FAM186A: variants seen among roughly 807,000 people sequenced by gnomAD.
FAM186A encodes family with sequence similarity 186 member A.
Under a neutral mutation model 216.8 loss-of-function variants are expected in FAM186A, and 163 were observed. The ratio of observed to expected loss-of-function variants is 0.75; its 90% CI spans 0.66 to 0.86. The LOEUF (loss-of-function observed/expected upper bound fraction) is 0.86. FAM186A is among the 40% of genes least tolerant of loss of function. The pLI, the probability that FAM186A is intolerant of heterozygous loss-of-function variation, is 0.00. For missense variants in FAM186A, 2,184 were observed against 2,746.2 expected (o/e 0.80, Z 4.58); for synonymous variants, 805 against 1,025.3 (o/e 0.79, Z 4.10).
rs574813989 is a variant in FAM186A at position 50,342,247 on chromosome 12, A to ACCTGGGAG, written c.6503+8081_6503+8082insCTCCCAGG. 1.8e-3 allele frequency among the ~76,000 whole-genome samples: 269 copies of ACCTGGGAG among 151,370 alleles called. 1 individual carries two copies. Among genetic ancestry groups the ACCTGGGAG allele is most frequent in the African/African-American group, 6.2e-3 (255 of 41,344 alleles). Reference sequence around the variant, plus strand: ...CTTGAACCTGGGAGGCAGAGGTTGCAGTGAGCTGAGATCATGCCACTGCAC... The same window carrying ACCTGGGAG: ...CTTGAACCTGGGAGGCAGAGGTTGCACCTGGGAGGTGAGCTGAGATCATGCCACTGCAC... On this transcript the variant is annotated intron_variant, in intron 4 of 7. Transcript: ENST00000327337.
intron 4 of FAM186A, among the ~76,000 whole-genome samples, chr12:50,344,955 C>A (rs571955051): frequency 6.6e-6 from 1 of 152,036 alleles, no homozygotes; most frequent in South Asian, 2.1e-4. Flanking sequence ...GAGACCATGT[C>A]AAAAAACAAA....
Position 50,352,313 on chromosome 12 carries a change from G to C in FAM186A, c.4519C>G (p.Leu1507Val), listed in dbSNP as rs554791657. ...PQQAQALGIL[L>V]IPPQAQELGI... ...AATTCCTGAGCCTGCGGAGGGATGA[G>C]AAGGATCCCCAGGGCCTGGGCCTGC... Residue 1507 changes from leucine to valine, a missense_variant, in exon 4 of 8, where the codon CTC becomes GTC. Transcript: ENST00000327337. The C allele has an allele frequency of 1.8e-6, 1 of 562,626 alleles. No individual in the cohort carries two copies. The highest frequency in any genetic ancestry group is 3.4e-5 in the Admixed American group (1 of 29,044). The allele number at this position is 562,626 out of a possible 1,614,324, so 34.9% of individuals were successfully genotyped here. A position where few individuals can be genotyped will look rare whatever the true frequency, so the allele number is the denominator to read the frequency against.
chr12:50,350,878 G>C lies in FAM186A; in HGVS notation c.5954C>G (p.Thr1985Ser). ...GACCTCCGACATTTGGAACTTCTTA[G>C]TGGTGAAAGGAACTTGAGCTACCTT... ...DFKVAQVPFT[T>S]KKFQMSEVSD... is the part of the protein sequence containing the mutation. Residue 1985 changes from threonine to serine, a missense_variant, in exon 4 of 8, where the codon ACT becomes AGT. Physicochemically the swap from Thr to Ser is moderately conservative, Grantham distance 58. Around this residue, in one of 7 missense-constraint regions of FAM186A, gnomAD observed 721 missense variants for 816.4 expected, o/e 0.88. Coordinates refer to ENST00000327337, the MANE Select transcript of FAM186A (RefSeq NM_001145475.3). 1.9e-6 allele frequency: 3 copies of C among 1,551,720 alleles called. No individual in the cohort carries two copies. Among genetic ancestry groups the C allele is most frequent in the Non-Finnish European group, 1.7e-6 (2 of 1,146,988 alleles).
chr12:50,330,808 G>A, intron 6 of FAM186A, 50 bp from the exon 7 acceptor site: 2 of 1,440,676 alleles, frequency 1.4e-6, no homozygotes, highest in Non-Finnish European at 9.2e-7. Context: ...GAGCTCCATA[G>A]CCCATCAAAA....
intron 1 of FAM186A, among the ~76,000 whole-genome samples, chr12:50,391,306 T>A (rs1943354705): frequency 6.6e-6 from 1 of 151,054 alleles, no homozygotes; most frequent in South Asian, 2.1e-4. Flanking sequence ...ATTTTATTTT[T>A]TTATTTTTTA....
Position 50,333,927 on chromosome 12 carries a change from A to T in FAM186A, c.6680T>A (p.Ile2227Lys). The T allele has an allele frequency of 6.4e-7, 1 of 1,550,908 alleles. No individual in the cohort carries two copies. The highest frequency in any genetic ancestry group is 8.7e-7 in the Non-Finnish European group (1 of 1,146,828). The change falls in exon 5 of 8, where the codon ATA becomes AAA. Residue 2227 changes from isoleucine to lysine, a missense_variant. Transcript: ENST00000327337. ...GCAGGTTACCTGGTTGAATACGTGT[A>T]TCATTTTCTTCAGGCACTGATTCCG... ...QKRNQCLKKM[I>K]HVFNQLKKIH...
At chr12:50,381,550 A>T (rs750346836) in intron 1 of FAM186A, among the ~76,000 whole-genome samples, 54 of 151,924 alleles carry the variant, frequency 3.6e-4, no homozygotes, top group Non-Finnish European at 4.9e-4. Context: ...TCTCAAAAAA[A>T]AATTGATTAA....
intron 1 of FAM186A, among the ~76,000 whole-genome samples, chr12:50,390,444 C>G (rs1448339150): frequency 6.6e-6 from 1 of 152,118 alleles, no homozygotes; most frequent in Non-Finnish European, 1.5e-5. Flanking sequence ...TATTTATTTT[C>G]ATTCGACCGA....
intron 1 of FAM186A, among the ~76,000 whole-genome samples, chr12:50,363,936 G>C (rs1013232999): frequency 6.6e-6 from 1 of 151,992 alleles, no homozygotes; most frequent in African/African-American, 2.4e-5. Flanking sequence ...TTGAGTATAT[G>C]GGGAAGAGAA....
At chr12:50,341,871 A>G (rs1942765912) in intron 4 of FAM186A, among the ~76,000 whole-genome samples, 1 of 152,034 alleles carries the variant, frequency 6.6e-6, no homozygotes, top group Non-Finnish European at 1.5e-5. Context: ...GCTGTCAAAG[A>G]ACTCCCTTCA....
rs1942958254 is a variant in FAM186A at position 50,355,044 on chromosome 12, A to G, written c.1788T>C (p.Asp596=). Residue 596 remains aspartate (D), a synonymous_variant, in exon 4 of 8, where the codon GAT becomes GAC. Coordinates refer to ENST00000327337, the MANE Select transcript of FAM186A (RefSeq NM_001145475.3). ...TTTTTCCTTTCTGTGGCTCAGCAGT[A>G]TCATCAAATTGGATCATACTGAGTG... ...VEPLSMIQFD[D]TAEPQKGKIK... is the part of the protein sequence containing the mutation. 1 of 1,551,558 alleles carries G rather than the reference A, an allele frequency of 6.4e-7. No homozygotes were observed. The highest frequency in any genetic ancestry group is 8.7e-7 in the Non-Finnish European group (1 of 1,147,008).
chr12:50,346,902 A>G (rs983990870), intron 4 of FAM186A, among the ~76,000 whole-genome samples: 2 of 151,240 alleles, frequency 1.3e-5, no homozygotes, highest in Non-Finnish European at 2.9e-5. Context: ...TTTTTTGCAT[A>G]TGTGGTCACA....
At chr12:50,338,308 T>C (rs1942730197) in intron 4 of FAM186A, among the ~76,000 whole-genome samples, 1 of 152,088 alleles carries the variant, frequency 6.6e-6, no homozygotes, top group Non-Finnish European at 1.5e-5. Context: ...TTCAAGCAAT[T>C]CTCTTGCCTC....
chr12:50,365,432 G>A (rs1199784301), intron 1 of FAM186A, among the ~76,000 whole-genome samples: 1 of 152,104 alleles, frequency 6.6e-6, no homozygotes, highest in Non-Finnish European at 1.5e-5. Context: ...GTTTATCTGT[G>A]AATATCATTT....
At chr12:50,374,280 A>G (rs1164854875) in intron 1 of FAM186A, among the ~76,000 whole-genome samples, 2 of 152,164 alleles carry the variant, frequency 1.3e-5, no homozygotes, top group East Asian at 3.9e-4. Flanking sequence ...GTGCACATGT[A>G]CCCTAAAACT....
chr12:50,396,579 T>C lies in FAM186A; in HGVS notation c.-95A>G. 1 of 1,230,478 alleles carries C rather than the reference T, an allele frequency of 8.1e-7. No homozygotes were observed. The highest frequency in any genetic ancestry group is 1.1e-6 in the Non-Finnish European group (1 of 900,704). The allele number at this position is 1,230,478 out of a possible 1,614,324, so 76.2% of individuals were successfully genotyped here. The stretch of plus-strand genomic sequence containing the variant: ...ATCCAGTAGGAAGCTAGGAGAGGTC[T>C]TTCCTGATCCTAGAAGTTGTGGCAT... On this transcript the variant is annotated 5_prime_UTR_variant, in exon 1 of 8. Coordinates refer to ENST00000327337, the MANE Select transcript of FAM186A (RefSeq NM_001145475.3).
At chr12:50,329,291 T>C (rs1942633205) in intron 7 of FAM186A, among the ~76,000 whole-genome samples, 1 of 152,080 alleles carries the variant, frequency 6.6e-6, no homozygotes, top group Admixed American at 6.6e-5. Flanking sequence ...CAAAGCCCTA[T>C]AATCATTAAA....
Position 50,353,035 on chromosome 12 carries a change from G to A in FAM186A, c.3797C>T (p.Pro1266Leu), listed in dbSNP as rs1942921141. The change falls in exon 4 of 8, where the codon CCT becomes CTT. Residue 1266 changes from proline (P) to leucine (L), a missense_variant. By Grantham distance (98) the Pro-to-Leu change is moderately conservative (BLOSUM62 -3). Transcript: ENST00000327337. ...GGCCTGGGCCTGCTGAGGAGTAAGA[G>A]GGATCCCCAGTTCCTGAACCTGCTT... is the stretch of plus-strand genomic sequence containing the variant. ...TPKQVQELGI[P>L]LTPQQAQALG... 6.5e-7 allele frequency: 1 copy of A among 1,536,958 alleles called. No homozygotes were observed. Among genetic ancestry groups the A allele is most frequent in the African/African-American group, 1.4e-5 (1 of 71,064 alleles).
intron 7 of FAM186A, among the ~76,000 whole-genome samples, chr12:50,328,754 C>T (rs1389897500): frequency 6.6e-6 from 1 of 152,094 alleles, no homozygotes; most frequent in Non-Finnish European, 1.5e-5. Flanking sequence ...AGTAATCCAC[C>T]TGCCTCAGCC....
Sources: allele counts gnomAD v4.1 joint callset (sites outside exome capture counted in the v4.1 genomes callset), GRCh38; gene constraint gnomAD v4.1.1; regional missense constraint gnomAD v4.1.1; transcripts MANE v1.5; gene names NCBI Gene and HGNC (gene_info 2026-07-23, HGNC 2026-07-21).